XKR4: variants seen among roughly 807,000 people sequenced by gnomAD.
XKR4 encodes the protein XK-related protein 4.
A neutral mutation model predicts 53.9 loss-of-function variants in XKR4; 12 were observed. That is an observed-to-expected ratio of 0.22 (90% CI 0.14 to 0.36). The LOEUF is 0.36. Ranked by LOEUF, XKR4 falls within the 10% of genes least tolerant of loss-of-function variation. The probability of loss-of-function intolerance (pLI) is 1.00; values close to 1 mark genes in which losing one functional copy is unlikely to be tolerated. For missense variants in XKR4, 799 were observed against 859.5 expected (o/e 0.93, Z 0.88); for synonymous variants, 354 against 362.4 (o/e 0.98, Z 0.26).
At chr8:55,511,280 T>A (rs1476295738) in intron 2 of XKR4, among the ~76,000 whole-genome samples, 1 of 152,078 alleles carries the variant, frequency 6.6e-6, no homozygotes, top group African/African-American at 2.4e-5. Context: ...AGCTACTGTG[T>A]GTAAAAGGTG....
At chr8:55,431,848 G>T (rs543787648) in intron 2 of XKR4, among the ~76,000 whole-genome samples, 2 of 152,276 alleles carry the variant, frequency 1.3e-5, no homozygotes, top group East Asian at 3.9e-4. Flanking sequence ...ATTTGTTGGG[G>T]TTACTCAACT....
chr8:55,322,369 T>C (rs1241549925), intron 1 of XKR4, among the ~76,000 whole-genome samples: 3 of 152,220 alleles, frequency 2.0e-5, no homozygotes, highest in Non-Finnish European at 2.9e-5. Context: ...ATGATTTATT[T>C]ATTCATTCCG....
At chr8:55,300,044 C>A (rs538218679) in intron 1 of XKR4, among the ~76,000 whole-genome samples, 1 of 152,106 alleles carries the variant, frequency 6.6e-6, no homozygotes, top group South Asian at 2.1e-4. Context: ...TCAAAGCCCC[C>A]GCTGTAGGTG....
intron 1 of XKR4, among the ~76,000 whole-genome samples, chr8:55,252,955 T>C (rs1818380822): frequency 6.6e-6 from 1 of 152,086 alleles, no homozygotes; most frequent in South Asian, 2.1e-4. Flanking sequence ...TGCCTTATGC[T>C]ATATTCAGGC....
chr8:55,263,966 G>A (rs920887043), intron 1 of XKR4, among the ~76,000 whole-genome samples: 12 of 152,202 alleles, frequency 7.9e-5, no homozygotes, highest in African/African-American at 1.9e-4. Flanking sequence ...GCCTCCATAC[G>A]TGAGTTGTTT....
At chr8:55,262,371 A>G (rs1818538432) in intron 1 of XKR4, among the ~76,000 whole-genome samples, 1 of 152,230 alleles carries the variant, frequency 6.6e-6, no homozygotes, top group Admixed American at 6.5e-5. Context: ...ATAAGTGGTT[A>G]TTATGGACTG....
At chr8:55,342,774 G>A (rs990768382) in intron 1 of XKR4, among the ~76,000 whole-genome samples, 3 of 152,146 alleles carry the variant, frequency 2.0e-5, no homozygotes, top group Non-Finnish European at 2.9e-5. Flanking sequence ...TGCAAGCCCC[G>A]TGAAACTCCT....
intron 1 of XKR4, among the ~76,000 whole-genome samples, chr8:55,203,800 A>G (rs1197351056): frequency 1.3e-5 from 2 of 152,236 alleles, no homozygotes; most frequent in East Asian, 3.9e-4. Flanking sequence ...ATGACTCATA[A>G]AGGGGTTTCT....
intron 1 of XKR4, among the ~76,000 whole-genome samples, chr8:55,336,206 T>C (rs1424425338): frequency 1.3e-5 from 2 of 152,072 alleles, no homozygotes; most frequent in African/African-American, 4.8e-5. Flanking sequence ...GGGGCGGGTC[T>C]TTTCTGGGCT....
chr8:55,332,138 A>T (rs1043823883), intron 1 of XKR4, among the ~76,000 whole-genome samples: 1 of 151,850 alleles, frequency 6.6e-6, no homozygotes, highest in African/African-American at 2.4e-5. Flanking sequence ...TACCATAGGG[A>T]TTACATATAA....
chr8:55,467,888 A>G (rs1714929662), intron 2 of XKR4, among the ~76,000 whole-genome samples: 1 of 152,186 alleles, frequency 6.6e-6, no homozygotes, highest in African/African-American at 2.4e-5. Context: ...TATTCAGAAT[A>G]TTAACTATTT....
intron 2 of XKR4, among the ~76,000 whole-genome samples, chr8:55,477,194 C>T (rs2939663): frequency 6.6e-6 from 1 of 151,838 alleles, no homozygotes; most frequent in Non-Finnish European, 1.5e-5. Context: ...TGAGACAAAA[C>T]TTCCAGAGGA....
intron 1 of XKR4, among the ~76,000 whole-genome samples, chr8:55,339,851 A>G (rs905537263): frequency 1.3e-4 from 20 of 152,036 alleles, no homozygotes; most frequent in African/African-American, 4.6e-4. Flanking sequence ...TTAGATTTTT[A>G]CTATTATGTT....
intron 1 of XKR4, among the ~76,000 whole-genome samples, chr8:55,256,001 G>A (rs1027176822): frequency 2.6e-5 from 4 of 151,222 alleles, no homozygotes; most frequent in African/African-American, 9.7e-5. Context: ...AGGATGCCGG[G>A]GTGCGTCAAG....
At chr8:55,259,513 G>T (rs971075653) in intron 1 of XKR4, among the ~76,000 whole-genome samples, 1 of 152,058 alleles carries the variant, frequency 6.6e-6, no homozygotes. Context: ...TTTGCCCTTC[G>T]TTGTAACTGA....
intron 2 of XKR4, among the ~76,000 whole-genome samples, chr8:55,487,517 A>G (rs1806211631): frequency 6.7e-6 from 1 of 149,280 alleles, no homozygotes; most frequent in Non-Finnish European, 1.5e-5. Flanking sequence ...CCAGGCTTGG[A>G]GCACAGCGGA....
intron 1 of XKR4, among the ~76,000 whole-genome samples, chr8:55,176,269 G>C (rs1817233155): frequency 6.6e-6 from 1 of 152,208 alleles, no homozygotes; most frequent in Non-Finnish European, 1.5e-5. Flanking sequence ...CAGGGTTGGG[G>C]CTGAGCACTG....
At chr8:55,214,602 A>T (rs1447137528) in intron 1 of XKR4, among the ~76,000 whole-genome samples, 1 of 152,238 alleles carries the variant, frequency 6.6e-6, no homozygotes, top group Non-Finnish European at 1.5e-5. Context: ...AACACCACAG[A>T]TTCATTTAGG....
In XKR4 at chr8:55,303,288, C is replaced by A. The variant is rs533222269; in HGVS notation, c.807-54390C>A. On this transcript the variant is annotated intron_variant, in intron 1 of 2. Coordinates refer to ENST00000327381, the MANE Select transcript of XKR4 (RefSeq NM_052898.2). ...TTTTGTCTTTGGTTCTGTTTTTATG[C>A]TGGATTACATTTATTGATTTGTGTA... is the stretch of plus-strand genomic sequence containing the variant. Among the ~76,000 whole-genome samples, 6 of 152,220 alleles carry A rather than the reference C, an allele frequency of 3.9e-5. No individual in the cohort carries two copies. The East Asian group carries it at 9.7e-4, about 24-fold the overall frequency.
Sources: allele counts gnomAD v4.1 joint callset (sites outside exome capture counted in the v4.1 genomes callset), GRCh38; gene constraint gnomAD v4.1.1; transcripts MANE v1.5; gene names NCBI Gene and HGNC (gene_info 2026-07-23, HGNC 2026-07-21).